SPDYE14: variants seen among roughly 807,000 people sequenced by gnomAD.
SPDYE14 encodes the protein speedy protein E14.
the SPDYE14 span, chr7:75,237,730 CCGCTG>C: frequency 8.8e-6 from 1 of 113,432 alleles, no homozygotes; most frequent in Non-Finnish European, 2.1e-5. Flanking sequence ...ACGCCGGTCC[CCGCTG>C]CGCATGCGCG....
chr7:75,265,360 C>T, the SPDYE14 span, among the ~76,000 whole-genome samples: 2 of 58,350 alleles, frequency 3.4e-5, no homozygotes, highest in Non-Finnish European at 6.5e-5. Flanking sequence ...CTGCCCACAT[C>T]GGCCTCCCAA....
chr7:75,260,054 G>A, the SPDYE14 span, among the ~76,000 whole-genome samples: 81 of 57,026 alleles, frequency 1.4e-3, 8 homozygotes, highest in African/African-American at 5.5e-3. Flanking sequence ...TAGAAGGCTG[G>A]AACCAGGCTC....
chr7:75,271,738 C>T, the SPDYE14 span, among the ~76,000 whole-genome samples: 3 of 56,514 alleles, frequency 5.3e-5, 1 homozygote, highest in African/African-American at 1.2e-4. Context: ...GGCAGGAGAA[C>T]AACTTGAACC....
the SPDYE14 span, among the ~76,000 whole-genome samples, chr7:75,254,600 G>A: frequency 4.4e-5 from 1 of 22,846 alleles, no homozygotes; most frequent in African/African-American, 1.1e-4. Context: ...GGACAATTAG[G>A]CAACATGGCT....
the SPDYE14 span, among the ~76,000 whole-genome samples, chr7:75,240,410 G>A: frequency 1.9e-5 from 1 of 51,604 alleles, no homozygotes; most frequent in Non-Finnish European, 4.6e-5. Flanking sequence ...AGCCTGGCCA[G>A]CATGGTGAAA....
the SPDYE14 span, chr7:75,237,672 G>A: frequency 1.0e-5 from 1 of 98,114 alleles, no homozygotes; most frequent in African/African-American, 2.9e-5. Flanking sequence ...GCGGCGCCCG[G>A]CGCGGGGAGC....
At chr7:75,275,576 A>G in the SPDYE14 span, among the ~76,000 whole-genome samples, 3 of 48,974 alleles carry the variant, frequency 6.1e-5, no homozygotes, top group Non-Finnish European at 1.1e-4. Context: ...TCAAGTACCC[A>G]GGGACACAAA....
chr7:75,278,095 G>A, the SPDYE14 span, among the ~76,000 whole-genome samples: 2 of 57,386 alleles, frequency 3.5e-5, 1 homozygote, highest in Non-Finnish European at 8.9e-5. Flanking sequence ...CCAGGGGAGT[G>A]GAGAACTGGT....
the SPDYE14 span, among the ~76,000 whole-genome samples, chr7:75,278,929 G>A: frequency 1.7e-5 from 1 of 59,400 alleles, no homozygotes; most frequent in Admixed American, 1.4e-4. Flanking sequence ...GTGACAGAGT[G>A]AGACTCTGTT....
the SPDYE14 span, among the ~76,000 whole-genome samples, chr7:75,237,931 C>T: frequency 2.4e-4 from 24 of 99,504 alleles, no homozygotes; most frequent in Non-Finnish European, 4.7e-4. Flanking sequence ...AGGCACGGGG[C>T]GGGTGGAGCC....
At chr7:75,247,588 C>CT in the SPDYE14 span, among the ~76,000 whole-genome samples, 3,847 of 15,302 alleles carry the variant, frequency 0.25, 423 homozygotes, top group African/African-American at 0.28. Flanking sequence ...ATTAATTCTT[C>CT]TTTTTTTTTT....
At chr7:75,266,149 CTTT>C in the SPDYE14 span, among the ~76,000 whole-genome samples, 1 of 10,140 alleles carries the variant, frequency 9.9e-5, no homozygotes, top group Non-Finnish European at 2.9e-4. Flanking sequence ...CTTTCTTTTC[CTTT>C]TTTTTTTTTT....
At chr7:75,273,842 C>A in the SPDYE14 span, among the ~76,000 whole-genome samples, 2 of 36,926 alleles carry the variant, frequency 5.4e-5, 1 homozygote, top group Non-Finnish European at 1.4e-4. Flanking sequence ...ATTTTGATTT[C>A]ATTTTATCTA....
chr7:75,245,444 A>AG, the SPDYE14 span, among the ~76,000 whole-genome samples: 8 of 147,888 alleles, frequency 5.4e-5, no homozygotes, highest in South Asian at 2.2e-4. Flanking sequence ...AAAAAAAAAA[A>AG]AAAGAAAAAT....
At chr7:75,247,508 G>A in the SPDYE14 span, among the ~76,000 whole-genome samples, 1 of 115,312 alleles carries the variant, frequency 8.7e-6, no homozygotes. Flanking sequence ...AAAGAAAGAG[G>A]AAAGAAAGAA....
At chr7:75,240,626 C>A in the SPDYE14 span, among the ~76,000 whole-genome samples, 1 of 67,900 alleles carries the variant, frequency 1.5e-5, no homozygotes, top group South Asian at 4.6e-4. Flanking sequence ...AACAAAACAA[C>A]AACAATAAAA....
the SPDYE14 span, among the ~76,000 whole-genome samples, chr7:75,264,491 G>A: frequency 3.9e-5 from 2 of 51,414 alleles, 1 homozygote; most frequent in Non-Finnish European, 9.7e-5. Context: ...TGACTTTTGA[G>A]GTTTATCCAA....
the SPDYE14 span, among the ~76,000 whole-genome samples, chr7:75,279,169 TG>T: frequency 1.1e-4 from 9 of 85,346 alleles, no homozygotes; most frequent in African/African-American, 5.9e-4. Flanking sequence ...TCCTGGTGAC[TG>T]TTCTAGAGAG....
chr7:75,241,677 A>AT, the SPDYE14 span, among the ~76,000 whole-genome samples: 137 of 18,364 alleles, frequency 7.5e-3, 21 homozygotes, highest in African/African-American at 0.015. Context: ...GGTAAAAAAA[A>AT]AAAATATATA....
Sources: allele counts gnomAD v4.1 joint callset (sites outside exome capture counted in the v4.1 genomes callset), GRCh38; gene constraint gnomAD v4.1.1; transcripts MANE v1.5; gene names NCBI Gene and HGNC (gene_info 2026-07-23, HGNC 2026-07-21).